Variants in FAM3B observed in about 807,000 individuals in gnomAD.
The protein encoded by FAM3B is FAM3 metabolism regulating signaling molecule B.
In FAM3B, 29 loss-of-function variants were observed where a neutral mutation model predicts 28.4. That is an observed-to-expected ratio of 1.02 (90% CI 0.76 to 1.39). The LOEUF is 1.39. FAM3B is among the 40% of genes most tolerant of loss of function. FAM3B has a pLI of 0.00. For missense variants in FAM3B, 266 were observed against 293.9 expected (o/e 0.91, Z 0.69); for synonymous variants, 91 against 103.0 (o/e 0.88, Z 0.71).
At chr21:41,351,025 TG>T (rs141320455) in intron 7 of FAM3B, among the ~76,000 whole-genome samples, 15,504 of 152,224 alleles carry the variant, frequency 0.1, 859 homozygotes, top group Middle Eastern at 0.13. Context: ...TTACTACCAA[TG>T]GTGCGGTTCT....
At chr21:41,308,059 C>T (rs1187801232) in intron 1 of FAM3B, among the ~76,000 whole-genome samples, 1 of 152,164 alleles carries the variant, frequency 6.6e-6, no homozygotes, top group Non-Finnish European at 1.5e-5. Flanking sequence ...AGATGTGTGT[C>T]ATATAGTTCT....
chr21:41,323,104 G>T (rs1409768607), intron 2 of FAM3B, 38 bp downstream of exon 2: 2 of 1,595,652 alleles, frequency 1.3e-6, no homozygotes, highest in African/African-American at 2.7e-5. Context: ...TGCCTTCATG[G>T]CTTGTGTGCA....
intron 1 of FAM3B, chr21:41,320,646 C>T (rs1338289552): frequency 1.3e-5 from 2 of 152,344 alleles, no homozygotes; most frequent in Non-Finnish European, 2.9e-5. Context: ...CTGGATCTGC[C>T]TCCCACCCAG....
rs147056375 is a variant in FAM3B, at chr21:41,348,690, G to T, written c.584G>T (p.Gly195Val). The change falls in exon 7 of 8, where the codon GGC becomes GTC. Residue 195 changes from glycine to valine, a missense_variant. Physicochemically the swap from Gly to Val is moderately radical, Grantham distance 109 (BLOSUM62 -3). Transcript: ENST00000357985. ...AGCTGGGTATTTATTGCAGCAAAAG[G>T]CTTGGAACTCCCTTCCGAAATTCAG... Reference protein sequence around the residue: ...RSSWVFIAAKGLELPSEIQRE... With the variant: ...RSSWVFIAAKVLELPSEIQRE... The T allele has an allele frequency of 1.5e-5, 25 of 1,614,192 alleles. No homozygotes were observed. The South Asian group carries it at 2.3e-4, about 15-fold the overall frequency.
chr21:41,322,902 T>A (rs772153893), intron 1 of FAM3B, 21 bp from the exon 2 acceptor site: 1 of 1,614,148 alleles, frequency 6.2e-7, no homozygotes, highest in East Asian at 2.2e-5. Flanking sequence ...TCACAGCAGC[T>A]GCTTGGTGTC....
At chr21:41,333,420 C>A (rs1474363700) in intron 2 of FAM3B, among the ~76,000 whole-genome samples, 1 of 152,126 alleles carries the variant, frequency 6.6e-6, no homozygotes, top group Non-Finnish European at 1.5e-5. Context: ...TGAGTGAGTT[C>A]TCATGAGATC....
At chr21:41,347,482 G>A (rs955462179) in intron 6 of FAM3B, among the ~76,000 whole-genome samples, 6 of 152,090 alleles carry the variant, frequency 3.9e-5, no homozygotes, top group African/African-American at 1.2e-4. Context: ...GAGGCTGGGC[G>A]CAGTGGCTCA....
intron 1 of FAM3B, among the ~76,000 whole-genome samples, chr21:41,309,396 C>A (rs1245404589): frequency 6.6e-6 from 1 of 152,192 alleles, no homozygotes; most frequent in Admixed American, 6.5e-5. Flanking sequence ...GTGCCAGGGT[C>A]TCTTCCTTGC....
Position 41,316,857 on chromosome 21 carries a change from A to G in FAM3B, c.-23A>G, listed in dbSNP as rs1482810112. 1 of 1,434,618 alleles carries G rather than the reference A, an allele frequency of 7.0e-7. No homozygotes were observed. The highest frequency in any genetic ancestry group is 9.1e-7 in the Non-Finnish European group (1 of 1,096,856). 88.9% of individuals were successfully genotyped at this position (1,434,618 alleles called of 1,614,324 possible). A position where few individuals can be genotyped will look rare whatever the true frequency, so the allele number is the denominator to read the frequency against. ...TCGCCTGGGAGCTGCCGCCAGGGCC[A>G]GGAGGGGAGCGGCACCTGGAAGATG... On this transcript the variant is annotated 5_prime_UTR_variant, in exon 1 of 8. Coordinates refer to ENST00000357985, the MANE Select transcript of FAM3B (RefSeq NM_058186.4).
intron 2 of FAM3B, among the ~76,000 whole-genome samples, chr21:41,336,578 A>G (rs1172770097): frequency 6.6e-6 from 1 of 152,234 alleles, no homozygotes; most frequent in Admixed American, 6.5e-5. Flanking sequence ...TGCCTAGCCT[A>G]AGGTATTTTT....
intron 3 of FAM3B, among the ~76,000 whole-genome samples, chr21:41,340,916 T>C (rs1167767906): frequency 6.6e-6 from 1 of 151,964 alleles, no homozygotes; most frequent in Admixed American, 6.6e-5. Context: ...ATAAGCTATA[T>C]ATATATATAA....
At chr21:41,313,685 C>T, upstream of FAM3B, among the ~76,000 whole-genome samples, 1 of 133,558 alleles carries the variant, frequency 7.5e-6, no homozygotes, top group South Asian at 2.8e-4. Flanking sequence ...TCTTGAACCT[C>T]ATCATACAGT....
rs1374463836 is a variant in FAM3B at position 41,348,845 on chromosome 21, C to T, written c.618+121C>T. 4.5e-6 allele frequency: 5 copies of T among 1,111,400 alleles called. No individual in the cohort carries two copies. The Admixed American group carries it at 6.2e-5, about 14-fold the overall frequency. The allele number at this position is 1,111,400 out of a possible 1,614,324, so 68.8% of individuals were successfully genotyped here. On this transcript the variant is annotated intron_variant, in intron 7 of 7. Transcript: ENST00000357985. ...ACATAAGAGTTGTGTCAGCTGTTTCCATGAGATCAGCATTAGATCCGGACA... is the reference window on the plus strand; with the variant it reads ...ACATAAGAGTTGTGTCAGCTGTTTCTATGAGATCAGCATTAGATCCGGACA...
chr21:41,338,535 A>T lies in FAM3B; in HGVS notation c.287+34A>T, dbSNP rs778480646. On this transcript the variant is annotated intron_variant, in intron 3 of 7. Transcript: ENST00000357985. ...CAGCGTTTAGAAGGAAAATAAAGCG[A>T]TCCTACTGATTCTTGCCCCTTCCCT... The T allele has an allele frequency of 1.9e-6, 3 of 1,612,072 alleles. 1 individual carries two copies. The South Asian group carries it at 3.3e-5, about 18-fold the overall frequency.
chr21:41,334,376 A>G lies in FAM3B; in HGVS notation c.164-4002A>G, dbSNP rs534549440. 4.6e-5 allele frequency among the ~76,000 whole-genome samples: 7 copies of G among 152,222 alleles called. No individual in the cohort carries two copies. In the East Asian group the frequency reaches 1.4e-3, roughly 29 times the overall value. On this transcript the variant is annotated intron_variant, in intron 2 of 7. Coordinates refer to ENST00000357985, the MANE Select transcript of FAM3B (RefSeq NM_058186.4). ...AGGCCCAGAGGGTTAAGAATACAGA[A>G]TGGTTTCATGGGTCAGCCCCAGGGC...
chr21:41,319,290 C>T (rs2088779986), intron 1 of FAM3B, among the ~76,000 whole-genome samples: 1 of 152,180 alleles, frequency 6.6e-6, no homozygotes, highest in African/African-American at 2.4e-5. Flanking sequence ...TACCCACACA[C>T]ATGCACACAG....
intron 1 of FAM3B, among the ~76,000 whole-genome samples, chr21:41,311,294 A>ATATG (rs1451586702): frequency 1.0e-5 from 1 of 99,514 alleles, no homozygotes; most frequent in East Asian, 3.2e-4. Context: ...ATATATATAT[A>ATATG]TATGTATATA....
chr21:41,338,638 C>T, intron 3 of FAM3B, 137 bp downstream of exon 3: 2 of 1,184,772 alleles, frequency 1.7e-6, no homozygotes, highest in African/African-American at 1.5e-5. Flanking sequence ...TGAGAGCATC[C>T]AAGTGGAAAT....
chr21:41,310,449 G>A (rs916017745), intron 1 of FAM3B, among the ~76,000 whole-genome samples: 4 of 152,106 alleles, frequency 2.6e-5, no homozygotes, highest in African/African-American at 4.8e-5. Context: ...AATGTGAGTG[G>A]CACAAGTTCC....
Sources: allele counts gnomAD v4.1 joint callset (sites outside exome capture counted in the v4.1 genomes callset), GRCh38; gene constraint gnomAD v4.1.1; transcripts MANE v1.5; gene names NCBI Gene and HGNC (gene_info 2026-07-23, HGNC 2026-07-21).